The following CSNK2A1 variants were observed in gnomAD, a reference collection of about 807,000 sequenced individuals.
The protein encoded by CSNK2A1 is casein kinase II subunit alpha.
In CSNK2A1, 10 loss-of-function variants were observed where a neutral mutation model predicts 62.9. That is an observed-to-expected ratio of 0.16 (90% CI 0.10 to 0.27). CSNK2A1 has a LOEUF of 0.27. CSNK2A1 is among the 10% of genes least tolerant of loss of function. The pLI is 1.00. For missense variants in CSNK2A1, 160 were observed against 492.0 expected (o/e 0.33, Z 6.38); for synonymous variants, 124 against 167.8 (o/e 0.74, Z 2.02).
chr20:538,201 C>A (rs1258212774), intron 1 of CSNK2A1, among the ~76,000 whole-genome samples: 1 of 152,162 alleles, frequency 6.6e-6, no homozygotes. Context: ...CCCACCTCGG[C>A]CTCTCAAAGA....
chr20:506,200 G>C (rs1291749312), intron 3 of CSNK2A1: 2 of 152,178 alleles, frequency 1.3e-5, no homozygotes, highest in Admixed American at 6.5e-5. Flanking sequence ...ATATATTCTT[G>C]TCCCTTAGTG....
chr20:505,505 G>A (rs1462360816), intron 3 of CSNK2A1, among the ~76,000 whole-genome samples: 1 of 151,230 alleles, frequency 6.6e-6, no homozygotes, highest in African/African-American at 2.4e-5. Context: ...GACCACAGGC[G>A]CCTGCCACCA....
chr20:542,506 C>T (rs1431739999), intron 1 of CSNK2A1, among the ~76,000 whole-genome samples: 2 of 152,236 alleles, frequency 1.3e-5, no homozygotes, highest in Non-Finnish European at 2.9e-5. Context: ...GATCTCAGCT[C>T]ACTGCCACCT....
intron 1 of CSNK2A1, among the ~76,000 whole-genome samples, chr20:530,136 C>T (rs758016346): frequency 6.6e-6 from 1 of 152,176 alleles, no homozygotes; most frequent in Non-Finnish European, 1.5e-5. Flanking sequence ...AAACCCAGTA[C>T]CTCAGAGGAT....
At chr20:500,528 C>T (rs966044807) in intron 4 of CSNK2A1, 1 of 153,126 alleles carries the variant, frequency 6.5e-6, no homozygotes, top group African/African-American at 2.4e-5. Flanking sequence ...AACAAGAGTA[C>T]CCATCTCATA....
chr20:542,713 G>C (rs1008188853), intron 1 of CSNK2A1, among the ~76,000 whole-genome samples: 5 of 152,224 alleles, frequency 3.3e-5, no homozygotes, highest in African/African-American at 1.2e-4. Flanking sequence ...TTACAGGCGT[G>C]AGCCACACGC....
chr20:538,942 C>T (rs1479505691), intron 1 of CSNK2A1, among the ~76,000 whole-genome samples: 1 of 152,162 alleles, frequency 6.6e-6, no homozygotes, highest in African/African-American at 2.4e-5. Context: ...CTAAGCTGAC[C>T]ATCAAGCCCC....
intron 3 of CSNK2A1, 73 bp from the exon 4 acceptor site, chr20:505,302 C>A: frequency 1.9e-6 from 2 of 1,047,966 alleles, no homozygotes; most frequent in Non-Finnish European, 1.4e-6. Context: ...GAATCTATTA[C>A]CAGCAGCTGT....
chr20:476,092 C>T lies in CSNK2A1; in HGVS notation c.*7869G>A, dbSNP rs926593854. On this transcript the variant is annotated 3_prime_UTR_variant, in exon 14 of 14. Transcript: ENST00000217244. Reference sequence around the variant, plus strand: ...GCAACATAGCTGTGCAAAAGCAGCCCCACAAGCAAAATTGAGCCAGGAGAC... The same window carrying T: ...GCAACATAGCTGTGCAAAAGCAGCCTCACAAGCAAAATTGAGCCAGGAGAC... 5.9e-5 allele frequency: 9 copies of T among 152,386 alleles called. No individual in the cohort carries two copies. The highest frequency in any genetic ancestry group is 2.0e-4 in the Admixed American group (3 of 15,302). The allele number at this position is 152,386 out of a possible 1,614,324, so 9.4% of individuals were successfully genotyped here. A position where few individuals can be genotyped will look rare whatever the true frequency, so the allele number is the denominator to read the frequency against.
chr20:530,479 T>TA (rs1272859150), intron 1 of CSNK2A1, among the ~76,000 whole-genome samples: 1 of 151,322 alleles, frequency 6.6e-6, no homozygotes, highest in African/African-American at 2.4e-5. Flanking sequence ...TTTTTTTTTT[T>TA]TTTTTTAGAG....
chr20:516,828 T>C (rs1306492338), intron 2 of CSNK2A1, among the ~76,000 whole-genome samples: 1 of 152,144 alleles, frequency 6.6e-6, no homozygotes, highest in Non-Finnish European at 1.5e-5. Context: ...TTTTTAACCC[T>C]AATGTTTATT....
intron 4 of CSNK2A1, chr20:501,944 T>TA (rs2018480866): frequency 6.6e-6 from 1 of 152,172 alleles, no homozygotes; most frequent in Non-Finnish European, 1.5e-5. Flanking sequence ...TACCAAATAA[T>TA]ACTATAAATT....
intron 10 of CSNK2A1, 154 bp from the exon 11 acceptor site, chr20:488,932 G>T: frequency 1.6e-6 from 1 of 616,516 alleles, no homozygotes; most frequent in Non-Finnish European, 2.6e-6. Flanking sequence ...ATGTGATAGT[G>T]TTAGAAAAAG....
chr20:518,791 G>A (rs923405381), intron 2 of CSNK2A1, among the ~76,000 whole-genome samples: 2 of 148,732 alleles, frequency 1.3e-5, no homozygotes, highest in Admixed American at 6.8e-5. Context: ...TCCTGACCTC[G>A]TGATCCACCC....
At position 499,981 on chromosome 20, in the gene CSNK2A1, T is replaced by TC; in HGVS notation, c.214-48_214-47insG. ...AGCAAAAAAAAAAAAAAAAAATTTT[T>TC]TCAGAGTATTTCAACACGTAGTGTA... On this transcript the variant is annotated intron_variant, in intron 4 of 13. Transcript: ENST00000217244. This position sits in a 1 kb window ranked among gnomAD's most constrained non-coding sequence, Gnocchi z 4.2. The TC allele has an allele frequency of 7.6e-7, 1 of 1,313,660 alleles. No homozygotes were observed. Among genetic ancestry groups the TC allele is most frequent in the East Asian group, 2.3e-5 (1 of 43,340 alleles). 81.4% of individuals were successfully genotyped at this position (1,313,660 alleles called of 1,614,324 possible). A position where few individuals can be genotyped will look rare whatever the true frequency, so the allele number is the denominator to read the frequency against.
At chr20:515,248 T>C (rs2018803208) in intron 2 of CSNK2A1, among the ~76,000 whole-genome samples, 1 of 152,174 alleles carries the variant, frequency 6.6e-6, no homozygotes, top group Non-Finnish European at 1.5e-5. Flanking sequence ...GAAAATGCTG[T>C]ATGAAGTGGG....
chr20:510,580 A>G (rs375018774), intron 2 of CSNK2A1, among the ~76,000 whole-genome samples: 185 of 152,354 alleles, frequency 1.2e-3, no homozygotes, highest in African/African-American at 3.8e-3. Flanking sequence ...ATGTGCCCAC[A>G]CGTTTACATG....
At chr20:535,651 G>A (rs1244328757) in intron 1 of CSNK2A1, among the ~76,000 whole-genome samples, 1 of 151,142 alleles carries the variant, frequency 6.6e-6, no homozygotes, top group Non-Finnish European at 1.5e-5. Context: ...AGTTACTTAG[G>A]AGGCTGAGAG....
chr20:533,075 A>G (rs1160428016), intron 1 of CSNK2A1, among the ~76,000 whole-genome samples: 1 of 152,212 alleles, frequency 6.6e-6, no homozygotes, highest in African/African-American at 2.4e-5. Flanking sequence ...CTAATGCCAT[A>G]TAAGTAGTAG....
Sources: gnomAD v4.1 joint callset for allele counts (sites outside exome capture counted in the v4.1 genomes callset) on GRCh38, gnomAD v4.1.1 for gene constraint, Gnocchi (gnomAD v3.1) non-coding constraint, MANE v1.5 for transcripts, NCBI Gene and HGNC (gene_info 2026-07-23, HGNC 2026-07-21) for gene names.